The following GRHL1 variants were observed in gnomAD, a reference collection of about 807,000 sequenced individuals.
The protein encoded by GRHL1 is grainyhead-like protein 1 homolog.
A neutral mutation model predicts 75.7 loss-of-function variants in GRHL1; 38 were observed. That is an observed-to-expected ratio of 0.50 (90% CI 0.39 to 0.66). The LOEUF (loss-of-function observed/expected upper bound fraction) is 0.66, where lower values mean the gene tolerates loss of function less well. Ranked by LOEUF, GRHL1 falls within the 30% of genes least tolerant of loss-of-function variation. The pLI is 0.00. For missense variants in GRHL1, 589 were observed against 767.5 expected, an observed-to-expected ratio of 0.77 and a Z score of 2.75; for synonymous variants, 266 against 279.4, an observed-to-expected ratio of 0.95 and a Z score of 0.48.
intron 9 of GRHL1, among the ~76,000 whole-genome samples, chr2:9,988,126 C>T (rs1464468534): frequency 6.6e-6 from 1 of 151,926 alleles, no homozygotes; most frequent in Non-Finnish European, 1.5e-5. Context: ...CCTGGGTGCT[C>T]GACATTTTTG....
intron 8 of GRHL1, among the ~76,000 whole-genome samples, chr2:9,980,447 G>A (rs1443308345): frequency 7.3e-5 from 11 of 150,964 alleles, no homozygotes. Context: ...TAAATATTTT[G>A]AAACATTCTA....
chr2:9,960,562 C>T (rs1023290924), intron 3 of GRHL1: 2 of 153,912 alleles, frequency 1.3e-5, no homozygotes, highest in Admixed American at 6.4e-5. Flanking sequence ...CATTATTATA[C>T]ACCTTTTAGT....
Position 9,961,277 on chromosome 2 carries a change from C to T in GRHL1, c.510C>T (p.Ile170=). 1 of 1,614,014 alleles carries T rather than the reference C, an allele frequency of 6.2e-7. No individual in the cohort carries two copies. The highest frequency in any genetic ancestry group is 8.5e-7 in the Non-Finnish European group (1 of 1,179,878). Residue 170 remains isoleucine (I), a synonymous_variant, in exon 4 of 16, where the codon ATC becomes ATT. Coordinates refer to ENST00000324907, the MANE Select transcript of GRHL1 (RefSeq NM_198182.3). ...ETQPHGFAVG[I]PPAVYHPEPT... ...AGCCACATGGCTTCGCTGTGGGAAT[C>T]CCCCCAGCAGTGTATCATCCTGAGC...
chr2:9,997,785 T>G (rs1668935197), intron 14 of GRHL1, among the ~76,000 whole-genome samples: 1 of 150,568 alleles, frequency 6.6e-6, no homozygotes, highest in South Asian at 2.1e-4. Context: ...ATCCCGCCAC[T>G]GTACTCCAGC....
chr2:9,958,980 A>C, intron 3 of GRHL1, 124 bp downstream of exon 3: 1 of 1,387,758 alleles, frequency 7.2e-7, no homozygotes. Flanking sequence ...TTGGACTCTT[A>C]CTATCTAAAT....
At chr2:9,979,783 C>G (rs1668116636) in intron 8 of GRHL1, among the ~76,000 whole-genome samples, 1 of 152,060 alleles carries the variant, frequency 6.6e-6, no homozygotes, top group African/African-American at 2.4e-5. Context: ...TGAAAAATAC[C>G]CTGATATGTA....
At chr2:9,965,144 ACTT>A (rs1667436198) in intron 7 of GRHL1, 140 bp from the exon 8 acceptor site, 2 of 542,936 alleles carry the variant, frequency 3.7e-6, no homozygotes, top group Admixed American at 3.1e-5. Context: ...CGTATTTTGA[ACTT>A]CTTCTAATCG....
chr2:9,996,896 AG>A (rs760331738), intron 14 of GRHL1, among the ~76,000 whole-genome samples: 11 of 152,188 alleles, frequency 7.2e-5, no homozygotes, highest in Non-Finnish European at 1.0e-4. Context: ...TCTCAGCACG[AG>A]GCTGGAATAA....
chr2:9,960,797 G>C (rs1157467576), intron 3 of GRHL1: 3 of 424,242 alleles, frequency 7.1e-6, no homozygotes, highest in African/African-American at 6.0e-5. Flanking sequence ...GGAAAGTAAA[G>C]CTTGTTAGAG....
At chr2:9,955,162 A>G (rs773495900) in intron 2 of GRHL1, 61 bp downstream of exon 2, 14 of 1,088,686 alleles carry the variant, frequency 1.3e-5, no homozygotes, top group Middle Eastern at 2.4e-4. Flanking sequence ...ATTCAGCAGC[A>G]TAGAAACAGA....
intron 5 of GRHL1, among the ~76,000 whole-genome samples, 189 bp from the exon 6 acceptor site, chr2:9,963,697 A>T (rs1667370150): frequency 6.6e-6 from 1 of 152,180 alleles, no homozygotes; most frequent in South Asian, 2.1e-4. Context: ...GACATCCATC[A>T]CATCATAGAA....
chr2:9,991,930 C>A, intron 10 of GRHL1, 77 bp from the exon 11 acceptor site: 2 of 1,137,874 alleles, frequency 1.8e-6, no homozygotes, highest in Non-Finnish European at 2.5e-6. Flanking sequence ...CAGAGGCGAG[C>A]ACTCTGTGGC....
At chr2:9,956,032 G>C (rs1667007525) in intron 2 of GRHL1, among the ~76,000 whole-genome samples, 1 of 152,214 alleles carries the variant, frequency 6.6e-6, no homozygotes, top group Non-Finnish European at 1.5e-5. Context: ...ATAAAAACAG[G>C]ATCTGTTTGG....
At chr2:9,967,830 T>C (rs563848616) in intron 8 of GRHL1, among the ~76,000 whole-genome samples, 2 of 152,362 alleles carry the variant, frequency 1.3e-5, no homozygotes, top group South Asian at 4.1e-4. Flanking sequence ...ATATCTACTT[T>C]CTTTGCCCAC....
chr2:9,990,605 A>C lies in GRHL1; in HGVS notation c.1270-91A>C. ...GGGTTCCTGTCCAGAGAAGGGAGAA[A>C]GGCTTCTTCTTCCATTGGTCAGGAT... On this transcript the variant is annotated intron_variant, in intron 9 of 15. Transcript: ENST00000324907. The surrounding 1 kb of genome is among the most constrained non-coding windows in gnomAD (Gnocchi z 4.2). 1 of 661,948 alleles carries C rather than the reference A, an allele frequency of 1.5e-6. No homozygotes were observed. Among genetic ancestry groups the C allele is most frequent in the Non-Finnish European group, 2.5e-6 (1 of 398,954 alleles). 41.0% of individuals were successfully genotyped at this position (661,948 alleles called of 1,614,324 possible).
At chr2:9,993,312 C>T in intron 12 of GRHL1, 68 bp downstream of exon 12, 1 of 1,278,336 alleles carries the variant, frequency 7.8e-7, no homozygotes, top group Non-Finnish European at 1.1e-6. Flanking sequence ...AGAAAAACTG[C>T]AAGTACAGTA....
At chr2:9,974,657 C>T (rs1667872712) in intron 8 of GRHL1, among the ~76,000 whole-genome samples, 1 of 152,310 alleles carries the variant, frequency 6.6e-6, no homozygotes, top group Admixed American at 6.5e-5. Context: ...TCATTATTGA[C>T]CAATTTGACT....
intron 14 of GRHL1, among the ~76,000 whole-genome samples, chr2:9,996,768 T>G (rs1279857323): frequency 6.6e-6 from 1 of 152,232 alleles, no homozygotes; most frequent in Non-Finnish European, 1.5e-5. Context: ...CTCCTCAGTC[T>G]ACCTTTAAAA....
At chr2:9,956,912 T>G (rs1667051878) in intron 2 of GRHL1, among the ~76,000 whole-genome samples, 1 of 152,166 alleles carries the variant, frequency 6.6e-6, no homozygotes, top group African/African-American at 2.4e-5. Context: ...TAAATCCTCA[T>G]GTCTGTCCAT....
Sources: gnomAD v4.1 joint callset for allele counts (sites outside exome capture counted in the v4.1 genomes callset) on GRCh38, gnomAD v4.1.1 for gene constraint, Gnocchi (gnomAD v3.1) non-coding constraint, MANE v1.5 for transcripts, NCBI Gene and HGNC (gene_info 2026-07-23, HGNC 2026-07-21) for gene names.